ITGB3BP: variants seen among roughly 807,000 people sequenced by gnomAD.
ITGB3BP encodes the protein integrin subunit beta 3 binding protein.
A neutral mutation model predicts 29.1 loss-of-function variants in ITGB3BP; 27 were observed. That is an observed-to-expected ratio of 0.93 (90% CI 0.68 to 1.28). The LOEUF is 1.28. ITGB3BP is among the 50% of genes most tolerant of loss of function. The pLI, the probability that ITGB3BP is intolerant of heterozygous loss-of-function variation, is 0.00. For missense variants in ITGB3BP, 192 were observed against 200.2 expected (o/e 0.96, Z 0.25); for synonymous variants, 61 against 61.4 (o/e 0.99, Z 0.03).
At chr1:63,497,020 T>C (rs1645803040) in intron 2 of ITGB3BP, among the ~76,000 whole-genome samples, 1 of 152,032 alleles carries the variant, frequency 6.6e-6, no homozygotes, top group African/African-American at 2.4e-5. Flanking sequence ...AAATCTACCA[T>C]GCACATTAAG....
chr1:63,472,931 C>T (rs190400794), intron 4 of ITGB3BP, among the ~76,000 whole-genome samples: 20,775 of 151,512 alleles, frequency 0.14, 1,528 homozygotes, highest in Middle Eastern at 0.25. Flanking sequence ...TCTGCCTGGC[C>T]GCCCATCATC....
At chr1:63,469,326 A>ATTG (rs1214314739) in intron 4 of ITGB3BP, among the ~76,000 whole-genome samples, 2 of 150,436 alleles carry the variant, frequency 1.3e-5, no homozygotes, top group Admixed American at 6.6e-5. Context: ...TATTATTATT[A>ATTG]TTATTTTTTT....
chr1:63,470,171 G>A (rs937867133), intron 4 of ITGB3BP, among the ~76,000 whole-genome samples: 6 of 152,156 alleles, frequency 3.9e-5, no homozygotes, highest in Non-Finnish European at 7.3e-5. Flanking sequence ...GTAAATCTCT[G>A]TTCAGGGCTC....
intron 4 of ITGB3BP, among the ~76,000 whole-genome samples, chr1:63,468,443 T>G (rs1645137086): frequency 6.6e-6 from 1 of 152,166 alleles, no homozygotes; most frequent in African/African-American, 2.4e-5. Flanking sequence ...AAAAGAAGTC[T>G]GCAGCTGGGC....
At chr1:63,524,835 G>C (rs1646555338), upstream of ITGB3BP, among the ~76,000 whole-genome samples, 1 of 152,162 alleles carries the variant, frequency 6.6e-6, no homozygotes, top group Non-Finnish European at 1.5e-5. Flanking sequence ...CGCTGTAATA[G>C]GGATAAGACA....
intron 1 of ITGB3BP, among the ~76,000 whole-genome samples, chr1:63,522,322 C>T (rs576142609): frequency 1.3e-5 from 2 of 152,280 alleles, no homozygotes; most frequent in South Asian, 4.1e-4. Context: ...TGTTACTTTG[C>T]ATTTTACTTA....
At chr1:63,446,463 C>T in intron 8 of ITGB3BP, 1 of 209,518 alleles carries the variant, frequency 4.8e-6, no homozygotes, top group Non-Finnish European at 9.6e-6. Flanking sequence ...AACTATAGTC[C>T]ACTTGTCAGC....
At chr1:63,495,008 C>T (rs1035648304) in intron 2 of ITGB3BP, among the ~76,000 whole-genome samples, 1 of 152,132 alleles carries the variant, frequency 6.6e-6, no homozygotes, top group Non-Finnish European at 1.5e-5. Flanking sequence ...GGTCTTACTA[C>T]ATTGCCCAAG....
intron 1 of ITGB3BP, among the ~76,000 whole-genome samples, chr1:63,517,415 A>G (rs1459425605): frequency 6.6e-6 from 1 of 151,406 alleles, no homozygotes; most frequent in Non-Finnish European, 1.5e-5. Context: ...TAAATAAAAA[A>G]TAAATAAAAA....
chr1:63,454,125 T>C lies in ITGB3BP; in HGVS notation c.428-151A>G. ...ATAAAATATAATACCTTATTATATATTATAAAAATGGGCATTACATTTGAA... is the reference window on the plus strand; with the variant it reads ...ATAAAATATAATACCTTATTATATACTATAAAAATGGGCATTACATTTGAA... On this transcript the variant is annotated intron_variant, in intron 6 of 8. Transcript: ENST00000271002. The surrounding 1 kb of genome is among the most constrained non-coding windows in gnomAD (Gnocchi z 4.1). The C allele has an allele frequency of 2.1e-6, 1 of 470,646 alleles. No homozygotes were observed. The highest frequency in any genetic ancestry group is 3.7e-6 in the Non-Finnish European group (1 of 270,842). 29.2% of individuals were successfully genotyped at this position (470,646 alleles called of 1,614,324 possible).
At chr1:63,473,340 A>T (rs1645246524) in intron 4 of ITGB3BP, among the ~76,000 whole-genome samples, 2 of 148,348 alleles carry the variant, frequency 1.3e-5, no homozygotes, top group Non-Finnish European at 3.0e-5. Flanking sequence ...TCCGGGAGGG[A>T]GGTGGCGGGG....
rs149524365 is a variant in ITGB3BP at position 63,460,612 on chromosome 1, T to C, written c.255-5644A>G. On this transcript the variant is annotated intron_variant, in intron 4 of 8. Transcript: ENST00000271002. Reference sequence around the variant, plus strand: ...AATAATGATGGAATAAACATTGGTATATAAATATCTGAGTCACTGTTTTCA... The same window carrying C: ...AATAATGATGGAATAAACATTGGTACATAAATATCTGAGTCACTGTTTTCA... Among the ~76,000 whole-genome samples the C allele has an allele frequency of 7.2e-5, 11 of 152,322 alleles. No individual in the cohort carries two copies. The East Asian group carries it at 2.1e-3, about 29-fold the overall frequency.
At chr1:63,444,287 C>T (rs1159508526) in intron 8 of ITGB3BP, among the ~76,000 whole-genome samples, 3 of 151,942 alleles carry the variant, frequency 2.0e-5, no homozygotes, top group South Asian at 2.1e-4. Context: ...AAATGTTGCA[C>T]GTTCATTTAC....
chr1:63,449,869 G>A (rs1312019941), intron 7 of ITGB3BP: 1 of 153,108 alleles, frequency 6.5e-6, no homozygotes, highest in Non-Finnish European at 1.5e-5. Flanking sequence ...AAACTAAAAG[G>A]GTAGTAGTCT....
At chr1:63,514,673 C>A (rs566521721) in intron 1 of ITGB3BP, among the ~76,000 whole-genome samples, 1 of 152,036 alleles carries the variant, frequency 6.6e-6, no homozygotes, top group South Asian at 2.1e-4. Flanking sequence ...TTTGGCTGGG[C>A]ATGGTGGCTC....
chr1:63,512,761 C>G (rs1382507246), intron 1 of ITGB3BP, among the ~76,000 whole-genome samples: 1 of 152,010 alleles, frequency 6.6e-6, no homozygotes, highest in Non-Finnish European at 1.5e-5. Flanking sequence ...TTACTCCACA[C>G]TATAATAGAG....
chr1:63,488,298 G>C (rs1645571486), intron 3 of ITGB3BP, among the ~76,000 whole-genome samples: 1 of 151,838 alleles, frequency 6.6e-6, no homozygotes, highest in African/African-American at 2.4e-5. Flanking sequence ...CTAAAGTAGT[G>C]TAAAAAAGGG....
rs12760364 is a variant in ITGB3BP, at chr1:63,446,875, G to T, written c.485-19C>A. 0.17 allele frequency: 234,859 copies of T among 1,362,608 alleles called. 17,282 individuals carry two copies. Among genetic ancestry groups the T allele is most frequent in the Middle Eastern group, 0.27 (1,444 of 5,342 alleles). The allele number at this position is 1,362,608 out of a possible 1,614,324, so 84.4% of individuals were successfully genotyped here. A position where few individuals can be genotyped will look rare whatever the true frequency, so the allele number is the denominator to read the frequency against. ...CGTGATGCTATATGAAAGAAGAAAG[G>T]TTTTTTTTTTCAGAAAACAATTCAA... On this transcript the variant is annotated intron_variant, in intron 7 of 8. Coordinates refer to ENST00000271002, the MANE Select transcript of ITGB3BP (RefSeq NM_014288.5).
intron 3 of ITGB3BP, among the ~76,000 whole-genome samples, chr1:63,488,159 T>C (rs984235196): frequency 5.9e-5 from 9 of 152,140 alleles, no homozygotes; most frequent in African/African-American, 2.2e-4. Flanking sequence ...ACATAGTACA[T>C]GGTTCAAATG....
Sources: gnomAD v4.1 joint callset for allele counts (sites outside exome capture counted in the v4.1 genomes callset) on GRCh38, gnomAD v4.1.1 for gene constraint, Gnocchi (gnomAD v3.1) non-coding constraint, MANE v1.5 for transcripts, NCBI Gene and HGNC (gene_info 2026-07-23, HGNC 2026-07-21) for gene names.